The following SMYD3 variants were observed in gnomAD, a reference collection of about 807,000 sequenced individuals.
SMYD3 encodes the protein histone-lysine N-methyltransferase SMYD3.
Under a neutral mutation model 57.7 loss-of-function variants are expected in SMYD3, and 36 were observed. That is an observed-to-expected ratio of 0.62 (90% CI 0.48 to 0.82). SMYD3 has a LOEUF of 0.82. Ranked by LOEUF, SMYD3 falls within the 40% of genes least tolerant of loss-of-function variation. The pLI is 0.00. For synonymous variants in SMYD3, 211 were observed against 195.0 expected (o/e 1.08, Z -0.68); for missense variants, 515 against 538.8 (o/e 0.96, Z 0.44).
At chr1:246,452,926 G>C (rs2067651851) in intron 1 of SMYD3, among the ~76,000 whole-genome samples, 1 of 152,058 alleles carries the variant, frequency 6.6e-6, no homozygotes. Flanking sequence ...AATAAAGAAA[G>C]CCCACCATTG....
chr1:245,838,977 C>CA (rs750819507), intron 10 of SMYD3, among the ~76,000 whole-genome samples: 23 of 152,146 alleles, frequency 1.5e-4, no homozygotes, highest in Non-Finnish European at 2.6e-4. Flanking sequence ...AGGCAGATCA[C>CA]AGTGGAATGG....
intron 5 of SMYD3, among the ~76,000 whole-genome samples, chr1:246,066,105 T>G (rs2060335909): frequency 6.6e-6 from 1 of 152,180 alleles, no homozygotes; most frequent in African/African-American, 2.4e-5. Flanking sequence ...TAAGGAAGAT[T>G]AAAAGCTCGT....
At chr1:246,256,302 CA>C (rs147620424) in intron 5 of SMYD3, among the ~76,000 whole-genome samples, 23,183 of 152,128 alleles carry the variant, frequency 0.15, 2,347 homozygotes, top group East Asian at 0.34. Flanking sequence ...CTGCCTTCCC[CA>C]GCCCACTGAC....
intron 4 of SMYD3, among the ~76,000 whole-genome samples, chr1:246,328,700 A>G (rs1209195858): frequency 5.5e-5 from 8 of 145,004 alleles, no homozygotes; most frequent in Non-Finnish European, 1.5e-5. Context: ...TTCTTTTATT[A>G]TTATTATATT....
intron 5 of SMYD3, among the ~76,000 whole-genome samples, chr1:246,173,491 T>C (rs2062379485): frequency 6.6e-6 from 1 of 152,266 alleles, no homozygotes; most frequent in African/African-American, 2.4e-5. Flanking sequence ...AATACTTACC[T>C]TAAAACACTA....
chr1:246,208,143 A>G (rs2063029061), intron 5 of SMYD3, among the ~76,000 whole-genome samples: 1 of 152,178 alleles, frequency 6.6e-6, no homozygotes, highest in African/African-American at 2.4e-5. Flanking sequence ...TTATTATCTC[A>G]TAGGCTAAAT....
chr1:245,781,968 C>CAA (rs11370898), intron 10 of SMYD3, among the ~76,000 whole-genome samples: 16 of 149,188 alleles, frequency 1.1e-4, no homozygotes, highest in South Asian at 1.1e-3. Context: ...GACTATGTCT[C>CAA]AAAAAAAAAA....
At chr1:246,312,647 C>G (rs2065098233) in intron 5 of SMYD3, among the ~76,000 whole-genome samples, 1 of 152,074 alleles carries the variant, frequency 6.6e-6, no homozygotes, top group Non-Finnish European at 1.5e-5. Context: ...TGAAGTAAAA[C>G]CAGGTCACAT....
chr1:246,162,930 G>GC (rs1292315575), intron 5 of SMYD3, among the ~76,000 whole-genome samples: 8 of 152,180 alleles, frequency 5.3e-5, no homozygotes, highest in African/African-American at 1.9e-4. Flanking sequence ...TTCAGCAGTA[G>GC]CCTCAACTAC....
chr1:245,938,673 T>TAC (rs1392552469), intron 5 of SMYD3, among the ~76,000 whole-genome samples: 1 of 152,226 alleles, frequency 6.6e-6, no homozygotes, highest in Non-Finnish European at 1.5e-5. Context: ...GATGGCCAGA[T>TAC]ACACAAATCA....
intron 5 of SMYD3, among the ~76,000 whole-genome samples, chr1:246,074,365 T>TAA (rs60088316): frequency 0.043 from 6,021 of 140,568 alleles, 412 homozygotes; most frequent in African/African-American, 0.15. Context: ...CAAAAAAAAT[T>TAA]AAAAAAAAAA....
chr1:246,456,283 C>T (rs1412927242), intron 1 of SMYD3, among the ~76,000 whole-genome samples: 2 of 152,198 alleles, frequency 1.3e-5, no homozygotes, highest in South Asian at 2.1e-4. Context: ...TTACCTCAGT[C>T]GATTTTAAGA....
intron 10 of SMYD3, among the ~76,000 whole-genome samples, chr1:245,808,069 A>T (rs921213736): frequency 6.6e-6 from 1 of 152,224 alleles, no homozygotes; most frequent in African/African-American, 2.4e-5. Flanking sequence ...TCCAGATCAT[A>T]ACCCAGGACG....
chr1:245,824,529 C>T (rs968322883), intron 10 of SMYD3, among the ~76,000 whole-genome samples: 1 of 152,098 alleles, frequency 6.6e-6, no homozygotes, highest in Admixed American at 6.5e-5. Flanking sequence ...CCAGCCTGGC[C>T]AACATGGTGA....
intron 5 of SMYD3, among the ~76,000 whole-genome samples, chr1:245,953,701 G>A (rs990244748): frequency 1.1e-4 from 16 of 152,112 alleles, no homozygotes; most frequent in Admixed American, 9.8e-4. Context: ...TCACAGGCAT[G>A]AGCCACCGTG....
chr1:246,276,155 G>A lies in SMYD3; in HGVS notation c.531+51046C>T, dbSNP rs1178329888. Among the ~76,000 whole-genome samples, 2 of 124,550 alleles carry A rather than the reference G, an allele frequency of 1.6e-5. 1 individual carries two copies. The highest frequency in any genetic ancestry group is 3.4e-5 in the Non-Finnish European group (2 of 58,068). The allele number at this position is 124,550 out of a possible 152,430, so 81.7% of individuals were successfully genotyped here. A position where few individuals can be genotyped will look rare whatever the true frequency, so the allele number is the denominator to read the frequency against. ...CAGGTTATTTAATGTCTGTAGTGGA[G>A]TCTGATGCCCATGTTTGAATACTAA... On this transcript the variant is annotated intron_variant, in intron 5 of 11. Transcript: ENST00000490107.
intron 5 of SMYD3, among the ~76,000 whole-genome samples, chr1:246,171,201 A>G (rs112906952): frequency 2.5e-3 from 387 of 152,294 alleles, no homozygotes; most frequent in African/African-American, 9.1e-3. Flanking sequence ...ATTTTGGTAA[A>G]CGTTTCAAAG....
At chr1:245,863,276 T>G (rs761135205) in intron 9 of SMYD3, among the ~76,000 whole-genome samples, 4 of 152,190 alleles carry the variant, frequency 2.6e-5, no homozygotes, top group Non-Finnish European at 4.4e-5. Flanking sequence ...CCAGATGACC[T>G]TCATCCTACA....
rs150848035 is a variant in SMYD3 at position 245,864,455 on chromosome 1, T to C, written c.814-569A>G. 1.7e-4 allele frequency among the ~76,000 whole-genome samples: 26 copies of C among 152,312 alleles called. No individual in the cohort carries two copies. In the East Asian group the frequency reaches 5.0e-3, roughly 29 times the overall value. ...GATGAACCTTTCCACAATAAAGTAC[T>C]GATACCTGCTACAACATGGATGAGG... On this transcript the variant is annotated intron_variant, in intron 8 of 11. Transcript: ENST00000490107.
Sources: allele counts gnomAD v4.1 joint callset (sites outside exome capture counted in the v4.1 genomes callset), GRCh38; gene constraint gnomAD v4.1.1; transcripts MANE v1.5; gene names NCBI Gene and HGNC (gene_info 2026-07-23, HGNC 2026-07-21).